XYLT1: variants seen among roughly 807,000 people sequenced by gnomAD.
The protein encoded by XYLT1 is xylosyltransferase 1.
XYLT1 carries 36 observed loss-of-function variants against 91.3 expected under a neutral mutation model. The ratio of observed to expected loss-of-function variants is 0.39; its 90% CI spans 0.30 to 0.52. The LOEUF (loss-of-function observed/expected upper bound fraction) is 0.52, where lower values mean the gene tolerates loss of function less well. Ranked by LOEUF, XYLT1 falls within the 20% of genes least tolerant of loss-of-function variation. The pLI, the probability that XYLT1 is intolerant of heterozygous loss-of-function variation, is 0.68. For synonymous variants in XYLT1, 588 were observed against 532.0 expected, an observed-to-expected ratio of 1.11 and a Z score of -1.45; for missense variants, 1,242 against 1,284.5, an observed-to-expected ratio of 0.97 and a Z score of 0.51.
At chr16:17,190,837 T>C (rs749251343) in intron 5 of XYLT1, among the ~76,000 whole-genome samples, 1 of 152,210 alleles carries the variant, frequency 6.6e-6, no homozygotes, top group Admixed American at 6.5e-5. Context: ...TTTTATGTTA[T>C]ATAAATTTCA....
intron 1 of XYLT1, among the ~76,000 whole-genome samples, chr16:17,438,144 T>A (rs1267484122): frequency 6.6e-6 from 1 of 151,990 alleles, no homozygotes; most frequent in Non-Finnish European, 1.5e-5. Context: ...GGGAGAATAT[T>A]TAAAAAGGTC....
chr16:17,286,811 A>G (rs539422016), intron 2 of XYLT1, among the ~76,000 whole-genome samples: 1 of 152,302 alleles, frequency 6.6e-6, no homozygotes, highest in East Asian at 1.9e-4. Flanking sequence ...TGCTCTAAGC[A>G]TCTCCCCATG....
intron 3 of XYLT1, among the ~76,000 whole-genome samples, chr16:17,242,744 A>G (rs976803024): frequency 6.6e-6 from 1 of 152,200 alleles, no homozygotes; most frequent in Non-Finnish European, 1.5e-5. Flanking sequence ...TTGAAATTCT[A>G]CGGCCATTAA....
chr16:17,383,370 A>G (rs191316288), intron 1 of XYLT1, among the ~76,000 whole-genome samples: 24 of 151,880 alleles, frequency 1.6e-4, no homozygotes, highest in Admixed American at 2.6e-4. Flanking sequence ...CTCCCTCCTC[A>G]GCTAGCTGGT....
At chr16:17,238,659 C>T (rs1402113463) in intron 3 of XYLT1, among the ~76,000 whole-genome samples, 2 of 152,244 alleles carry the variant, frequency 1.3e-5, no homozygotes, top group African/African-American at 2.4e-5. Flanking sequence ...GATCCCTGCC[C>T]TCCTCTTTGT....
chr16:17,448,185 T>C (rs932098480), intron 1 of XYLT1, among the ~76,000 whole-genome samples: 6 of 152,158 alleles, frequency 3.9e-5, no homozygotes, highest in South Asian at 4.1e-4. Context: ...CTGGCCAACA[T>C]AGTGAAACCC....
chr16:17,470,685 G>T lies in XYLT1; in HGVS notation c.112C>A (p.Leu38Ile). The change falls in exon 1 of 12, where the codon CTC becomes ATC. Residue 38 changes from leucine to isoleucine, a missense_variant. Coordinates refer to ENST00000261381, the MANE Select transcript of XYLT1 (RefSeq NM_022166.4). ...QTLVVWNFSSLDSGAGERRGG... is the reference protein window; with the variant it reads ...QTLVVWNFSSIDSGAGERRGG... ...CGGCGCTCCCCGGCCCCGGAGTCGA[G>T]GCTGCTGAAATTCCACACGACCAGC... The T allele has an allele frequency of 8.6e-7, 1 of 1,160,958 alleles. No homozygotes were observed. The allele number at this position is 1,160,958 out of a possible 1,614,324, so 71.9% of individuals were successfully genotyped here.
chr16:17,189,884 T>C (rs1350407145), intron 5 of XYLT1, among the ~76,000 whole-genome samples: 2 of 152,080 alleles, frequency 1.3e-5, no homozygotes, highest in Non-Finnish European at 2.9e-5. Context: ...CCATCTCTAC[T>C]AAAAATACAA....
intron 2 of XYLT1, among the ~76,000 whole-genome samples, chr16:17,295,001 T>C (rs1157281025): frequency 6.6e-6 from 1 of 152,170 alleles, no homozygotes; most frequent in African/African-American, 2.4e-5. Context: ...TAACAAATAG[T>C]GCACAGAATA....
chr16:17,332,358 T>C (rs1004263547), intron 2 of XYLT1, among the ~76,000 whole-genome samples: 1 of 152,212 alleles, frequency 6.6e-6, no homozygotes, highest in East Asian at 1.9e-4. Context: ...GGTCAGGAGT[T>C]TGAGACCAGC....
Position 17,426,375 on chromosome 16 carries a change from C to T in XYLT1, c.363+44059G>A, listed in dbSNP as rs1000788425. Among the ~76,000 whole-genome samples, 4 of 152,194 alleles carry T rather than the reference C, an allele frequency of 2.6e-5. No individual in the cohort carries two copies. In the South Asian group the frequency reaches 8.3e-4, roughly 32 times the overall value. ...AGGAGTTCAAGACCAGCCTGGCCAA[C>T]ATGGTGACACCCTGACTCTACTAAA... On this transcript the variant is annotated intron_variant, in intron 1 of 11. Coordinates refer to ENST00000261381, the MANE Select transcript of XYLT1 (RefSeq NM_022166.4).
chr16:17,133,692 A>G (rs2030588699), intron 9 of XYLT1, among the ~76,000 whole-genome samples: 1 of 152,242 alleles, frequency 6.6e-6, no homozygotes, highest in Admixed American at 6.5e-5. Context: ...GAAAGGGTAC[A>G]CAACGTGAAA....
At chr16:17,135,104 C>CAGATGTATTTTAGCTAGCCATATTTAAA (rs2030662450) in intron 8 of XYLT1, among the ~76,000 whole-genome samples, 1 of 152,152 alleles carries the variant, frequency 6.6e-6, no homozygotes, top group African/African-American at 2.4e-5. Flanking sequence ...ATACAGCCTG[C>CAGATGTATTTTAGCTAGCCATATTTAAA]AGATGTATTT....
chr16:17,200,228 G>A (rs75933677), intron 4 of XYLT1, among the ~76,000 whole-genome samples: 3 of 139,432 alleles, frequency 2.2e-5, no homozygotes, highest in Admixed American at 7.2e-5. Context: ...AAAAAAAAAA[G>A]AAAAAAAACC....
chr16:17,207,625 A>T (rs11645035), intron 3 of XYLT1, among the ~76,000 whole-genome samples: 1 of 151,976 alleles, frequency 6.6e-6, no homozygotes, highest in African/African-American at 2.4e-5. Context: ...AGCAAACTGG[A>T]TGGAGGCTAG....
chr16:17,356,618 G>A (rs2035298332), intron 2 of XYLT1, among the ~76,000 whole-genome samples: 1 of 152,094 alleles, frequency 6.6e-6, no homozygotes, highest in Non-Finnish European at 1.5e-5. Context: ...GGAGGCAAAG[G>A]CCAGGGGAGC....
intron 8 of XYLT1, 125 bp downstream of exon 8, chr16:17,138,230 A>T (rs377247478): frequency 7.5e-4 from 2 of 2,668 alleles, no homozygotes; most frequent in African/African-American, 0.022. Flanking sequence ...AACTATTATT[A>T]ATTATCAACA....
chr16:17,234,749 A>G (rs1276512575), intron 3 of XYLT1, among the ~76,000 whole-genome samples: 1 of 151,496 alleles, frequency 6.6e-6, no homozygotes, highest in Non-Finnish European at 1.5e-5. Flanking sequence ...CCTAAGGTTC[A>G]AGTCTACCCT....
intron 2 of XYLT1, among the ~76,000 whole-genome samples, chr16:17,264,372 C>T (rs1324827866): frequency 6.6e-6 from 1 of 152,198 alleles, no homozygotes; most frequent in Non-Finnish European, 1.5e-5. Context: ...GCATAATGTC[C>T]TCAGAGTTCA....
Sources: gnomAD v4.1 joint callset for allele counts (sites outside exome capture counted in the v4.1 genomes callset) on GRCh38, gnomAD v4.1.1 for gene constraint, MANE v1.5 for transcripts, NCBI Gene and HGNC (gene_info 2026-07-23, HGNC 2026-07-21) for gene names.